The following TFB1M variants were observed in gnomAD, a reference collection of about 807,000 sequenced individuals.
TFB1M encodes the protein dimethyladenosine transferase 1, mitochondrial.
Under a neutral mutation model 31.1 loss-of-function variants are expected in TFB1M, and 27 were observed. The observed-to-expected ratio is 0.87, with a 90% CI of 0.64 to 1.20. The LOEUF (loss-of-function observed/expected upper bound fraction) is 1.20, where lower values mean the gene tolerates loss of function less well. Among genes scored for constraint, TFB1M ranks in the 50% most tolerant of loss-of-function variants. The pLI is 0.00. For synonymous variants in TFB1M, 166 were observed against 151.8 expected (o/e 1.09, Z -0.69); for missense variants, 394 against 418.7 (o/e 0.94, Z 0.51).
chr6:155,238,220 C>A, the TFB1M span, among the ~76,000 whole-genome samples: 2 of 152,216 alleles, frequency 1.3e-5, no homozygotes, highest in African/African-American at 4.8e-5. Context: ...TAACAAGGGT[C>A]AGCTTTGCTC....
At chr6:155,295,074 G>A (rs1039673073) in intron 4 of TFB1M, among the ~76,000 whole-genome samples, 2 of 152,172 alleles carry the variant, frequency 1.3e-5, no homozygotes, top group African/African-American at 2.4e-5. Flanking sequence ...TGTCAAAAGT[G>A]GACAAAACTG....
At position 155,283,843 on chromosome 6, in the gene TFB1M, TTTTTTA is replaced by T. The variant is rs142792625; in HGVS notation, c.666+1309_666+1314del. Among the ~76,000 whole-genome samples, 370 of 152,252 alleles carry T rather than the reference TTTTTTA, an allele frequency of 2.4e-3. 1 individual carries two copies. The highest frequency in any genetic ancestry group is 8.7e-3 in the African/African-American group (360 of 41,552). On this transcript the variant is annotated intron_variant, in intron 5 of 6. Coordinates refer to ENST00000367166, the MANE Select transcript of TFB1M (RefSeq NM_016020.4). ...AGAAATCAAGCTACATGGTCACTGG[TTTTTTA>T]TTTTTATTTTTTTCATTATAATGGC...
Position 155,274,985 on chromosome 6 carries a change from G to A in TFB1M, c.666+10173C>T, listed in dbSNP as rs555255826. Among the ~76,000 whole-genome samples the A allele has an allele frequency of 5.9e-5, 9 of 152,276 alleles. No homozygotes were observed. In the South Asian group the frequency reaches 6.2e-4, roughly 11 times the overall value. Reference sequence around the variant, plus strand: ...TGTAATCCCAGCACTTCGGGAGGCCGAGGTGGGCGGATCACGAGGTCAGGA... The same window carrying A: ...TGTAATCCCAGCACTTCGGGAGGCCAAGGTGGGCGGATCACGAGGTCAGGA... On this transcript the variant is annotated intron_variant, in intron 5 of 6. Coordinates refer to ENST00000367166, the MANE Select transcript of TFB1M (RefSeq NM_016020.4).
the TFB1M span, chr6:155,250,651 T>C: frequency 6.5e-7 from 1 of 1,532,392 alleles, no homozygotes. Context: ...GGAAACTGAG[T>C]TGGTCACAAG....
intron 5 of TFB1M, among the ~76,000 whole-genome samples, chr6:155,278,386 T>C (rs1372415085): frequency 6.6e-6 from 1 of 152,360 alleles, no homozygotes; most frequent in Middle Eastern, 3.4e-3. Flanking sequence ...ACTTAAGTAA[T>C]GTGTACTGTG....
downstream of TFB1M, among the ~76,000 whole-genome samples, chr6:155,252,513 G>C (rs1234493439): frequency 6.6e-6 from 1 of 152,098 alleles, no homozygotes; most frequent in Non-Finnish European, 1.5e-5. Context: ...ACTCATATGG[G>C]GGCCTACATA....
chr6:155,288,291 G>A (rs760419643), intron 4 of TFB1M, among the ~76,000 whole-genome samples: 3 of 152,012 alleles, frequency 2.0e-5, no homozygotes, highest in African/African-American at 4.8e-5. Flanking sequence ...TTGGGATGCC[G>A]TACTCAAGAT....
At chr6:155,307,483 C>T (rs886511297) in intron 2 of TFB1M, among the ~76,000 whole-genome samples, 1 of 151,944 alleles carries the variant, frequency 6.6e-6, no homozygotes, top group Non-Finnish European at 1.5e-5. Context: ...CTTGTGAGAC[C>T]CATCCACTAT....
At chr6:155,245,755 GT>G in the TFB1M span, 1,771 of 1,020,444 alleles carry the variant, frequency 1.7e-3, no homozygotes, top group South Asian at 4.6e-3. Context: ...GCCTTTTATA[GT>G]TTTTTTTTTT....
chr6:155,249,679 T>C, the TFB1M span, among the ~76,000 whole-genome samples: 3 of 152,220 alleles, frequency 2.0e-5, no homozygotes, highest in African/African-American at 7.2e-5. Context: ...TGTTCTTCAT[T>C]CTAAGGGCTG....
At chr6:155,275,924 T>G in intron 5 of TFB1M, 1 of 1,614,032 alleles carries the variant, frequency 6.2e-7, no homozygotes, top group Non-Finnish European at 8.5e-7. Flanking sequence ...CCTGAAACAC[T>G]CCATTCTGTC....
chr6:155,262,732 A>T (rs1390617944), intron 5 of TFB1M, among the ~76,000 whole-genome samples: 1 of 148,488 alleles, frequency 6.7e-6, no homozygotes, highest in Non-Finnish European at 1.5e-5. Context: ...CTTCCAGTAC[A>T]GAAACTGCCA....
At chr6:155,275,038 G>GA (rs767081838) in intron 5 of TFB1M, among the ~76,000 whole-genome samples, 10 of 151,382 alleles carry the variant, frequency 6.6e-5, no homozygotes, top group Non-Finnish European at 7.4e-5. Context: ...CTAACAGGGT[G>GA]AAACCCCATC....
rs111906678 is a variant in TFB1M at position 155,257,155 on chromosome 6, A to C, written c.*681T>G. On this transcript the variant is annotated 3_prime_UTR_variant, in exon 7 of 7. Transcript: ENST00000367166. The stretch of plus-strand genomic sequence containing the variant: ...AATCCAGATATGGGTTAAATTCCTC[A>C]TTTTACTTTTAAACTGGTGGTAAAG... The C allele has an allele frequency of 1.7e-3, 2,582 of 1,479,650 alleles. 54 individuals carry two copies. The African/African-American group carries it at 0.034, about 19-fold the overall frequency. 91.7% of individuals were successfully genotyped at this position (1,479,650 alleles called of 1,614,324 possible).
intron 5 of TFB1M, among the ~76,000 whole-genome samples, chr6:155,267,298 A>G (rs1784699222): frequency 6.6e-6 from 1 of 152,194 alleles, no homozygotes; most frequent in African/African-American, 2.4e-5. Flanking sequence ...CTTCTTGATG[A>G]AAGGGTCAGC....
At chr6:155,246,370 T>TA in the TFB1M span, among the ~76,000 whole-genome samples, 3 of 152,264 alleles carry the variant, frequency 2.0e-5, no homozygotes, top group Non-Finnish European at 4.4e-5. Context: ...AGTGGGGTCT[T>TA]AGAGTGCTTC....
In TFB1M at chr6:155,256,741, C is replaced by G; in HGVS notation, c.*1095G>C. ...CCTGAGCGATGAAGATGATGACCAC[C>G]GTCAGACTGTGAAGCAGGGCAGCCC... On this transcript the variant is annotated 3_prime_UTR_variant, in exon 7 of 7. Coordinates refer to ENST00000367166, the MANE Select transcript of TFB1M (RefSeq NM_016020.4). 6.2e-7 allele frequency: 1 copy of G among 1,614,212 alleles called. No homozygotes were observed. The highest frequency in any genetic ancestry group is 8.5e-7 in the Non-Finnish European group (1 of 1,180,036).
the TFB1M span, chr6:155,249,820 T>A: frequency 6.4e-7 from 1 of 1,564,846 alleles, no homozygotes; most frequent in African/African-American, 1.4e-5. Flanking sequence ...AAATAACAGT[T>A]ATGAAATAAA....
At chr6:155,244,627 C>T in the TFB1M span, 2 of 1,608,780 alleles carry the variant, frequency 1.2e-6, no homozygotes, top group South Asian at 1.1e-5. Flanking sequence ...CATGGCTAAT[C>T]CCCTCATTTC....
Sources: allele counts gnomAD v4.1 joint callset (sites outside exome capture counted in the v4.1 genomes callset), GRCh38; gene constraint gnomAD v4.1.1; transcripts MANE v1.5; gene names NCBI Gene and HGNC (gene_info 2026-07-23, HGNC 2026-07-21).